The following FMNL2 variants were observed in gnomAD, a reference collection of about 807,000 sequenced individuals.
FMNL2 encodes the protein formin-like protein 2.
Under a neutral mutation model 130.2 loss-of-function variants are expected in FMNL2, and 51 were observed. That is an observed-to-expected ratio of 0.39 (90% CI 0.31 to 0.49). FMNL2 has a LOEUF of 0.49. Ranked by LOEUF, FMNL2 falls within the 20% of genes least tolerant of loss-of-function variation. FMNL2 has a pLI of 0.85. For missense variants in FMNL2, 977 were observed against 1,316.2 expected, an observed-to-expected ratio of 0.74 and a Z score of 3.99; for synonymous variants, 465 against 467.1, an observed-to-expected ratio of 1.00 and a Z score of 0.06.
intron 11 of FMNL2, 137 bp downstream of exon 11, chr2:152,611,742 A>G: frequency 1.7e-6 from 1 of 583,146 alleles, no homozygotes; most frequent in Non-Finnish European, 3.1e-6. Context: ...GTTAAAGGGA[A>G]CTGAGCTGAG....
At chr2:152,593,444 G>A (rs1283386049) in intron 9 of FMNL2, among the ~76,000 whole-genome samples, 1 of 152,096 alleles carries the variant, frequency 6.6e-6, no homozygotes, top group African/African-American at 2.4e-5. Context: ...GTGTAGCTCT[G>A]CAGAAAATAC....
intron 1 of FMNL2, among the ~76,000 whole-genome samples, chr2:152,448,218 C>T (rs1688453935): frequency 6.7e-6 from 1 of 150,182 alleles, no homozygotes; most frequent in Non-Finnish European, 1.5e-5. Flanking sequence ...AAAAAAAAAA[C>T]ACATAATAAC....
intron 21 of FMNL2, 70 bp downstream of exon 21, chr2:152,632,207 T>C (rs1159618199): frequency 2.5e-5 from 39 of 1,549,862 alleles, no homozygotes; most frequent in Non-Finnish European, 2.8e-5. Flanking sequence ...AGCCATTCCC[T>C]GCTTAAACAC....
Position 152,649,015 on chromosome 2 carries a change from T to C in FMNL2, c.*1110T>C, listed in dbSNP as rs965346559. 2 of 152,612 alleles carry C rather than the reference T, an allele frequency of 1.3e-5. No individual in the cohort carries two copies. The highest frequency in any genetic ancestry group is 4.8e-5 in the African/African-American group (2 of 41,444). The allele number at this position is 152,612 out of a possible 1,614,324, so 9.5% of individuals were successfully genotyped here. A position where few individuals can be genotyped will look rare whatever the true frequency, so the allele number is the denominator to read the frequency against. ...CTCTCTGGCAGGGCACTTGATCCAT[T>C]CCAAAGTCAAAAACTGGACTGAAGC... On this transcript the variant is annotated 3_prime_UTR_variant, in exon 26 of 26. Transcript: ENST00000288670.
At chr2:152,457,366 C>T (rs1175931743) in intron 1 of FMNL2, among the ~76,000 whole-genome samples, 1 of 152,184 alleles carries the variant, frequency 6.6e-6, no homozygotes, top group Non-Finnish European at 1.5e-5. Flanking sequence ...TGGATTTGCT[C>T]TAAGACTTCC....
rs760211766 is a variant in FMNL2, at chr2:152,637,534, C to G, written c.2845-39C>G. 147 of 1,540,374 alleles carry G rather than the reference C, an allele frequency of 9.5e-5. 1 individual carries two copies. The East Asian group carries it at 3.2e-3, about 33-fold the overall frequency. ...CCCCTAGAGCATCCAGTTCAAATGCCTAACTAATGAAACTCAAGAAAAATT... is the reference window on the plus strand; with the variant it reads ...CCCCTAGAGCATCCAGTTCAAATGCGTAACTAATGAAACTCAAGAAAAATT... On this transcript the variant is annotated intron_variant, in intron 22 of 25. Transcript: ENST00000288670.
chr2:152,555,807 A>G (rs1695173947), intron 4 of FMNL2, among the ~76,000 whole-genome samples: 1 of 152,178 alleles, frequency 6.6e-6, no homozygotes, highest in South Asian at 2.1e-4. Context: ...ACCTATAATC[A>G]CCCAATTTGA....
intron 1 of FMNL2, among the ~76,000 whole-genome samples, chr2:152,426,699 A>G (rs1014155888): frequency 1.3e-5 from 2 of 151,968 alleles, no homozygotes; most frequent in Non-Finnish European, 2.9e-5. Flanking sequence ...TTTTTTGAGA[A>G]ACACAGAAGC....
intron 1 of FMNL2, among the ~76,000 whole-genome samples, chr2:152,411,699 G>A (rs918528867): frequency 6.6e-6 from 1 of 152,102 alleles, no homozygotes; most frequent in African/African-American, 2.4e-5. Context: ...CTCTAGCACC[G>A]CTTCCATTTC....
intron 1 of FMNL2, among the ~76,000 whole-genome samples, chr2:152,357,312 A>G (rs1032096785): frequency 6.9e-5 from 7 of 100,816 alleles, no homozygotes; most frequent in African/African-American, 2.0e-4. Context: ...AATCAGTTTA[A>G]TGTATCACGA....
chr2:152,602,883 C>G (rs563268250), intron 9 of FMNL2, among the ~76,000 whole-genome samples: 138 of 152,262 alleles, frequency 9.1e-4, no homozygotes, highest in Non-Finnish European at 1.6e-3. Context: ...AAGAGGCCAC[C>G]GCAAAGGAGA....
At chr2:152,339,875 A>G (rs78528713) in intron 1 of FMNL2, among the ~76,000 whole-genome samples, 3,315 of 152,230 alleles carry the variant, frequency 0.022, 69 homozygotes, top group Non-Finnish European at 0.029. Context: ...GCAATACTAT[A>G]GATGCATAAG....
At chr2:152,546,938 C>G (rs971305733) in intron 3 of FMNL2, among the ~76,000 whole-genome samples, 1 of 149,346 alleles carries the variant, frequency 6.7e-6, no homozygotes, top group Non-Finnish European at 1.5e-5. Context: ...GCATTACTTG[C>G]CCCCATTCTT....
intron 1 of FMNL2, among the ~76,000 whole-genome samples, chr2:152,416,510 G>C (rs1686624955): frequency 6.6e-6 from 1 of 152,222 alleles, no homozygotes; most frequent in Admixed American, 6.5e-5. Context: ...GGTTGGCAAA[G>C]CTTCCATAAC....
intron 1 of FMNL2, chr2:152,390,033 G>A: frequency 6.3e-7 from 1 of 1,579,512 alleles, no homozygotes; most frequent in Non-Finnish European, 8.7e-7. Context: ...AGAGAATCAT[G>A]AGGCCCAGCT....
Position 152,371,250 on chromosome 2 carries a change from A to G in FMNL2, c.117+35530A>G, listed in dbSNP as rs573574944. Among the ~76,000 whole-genome samples the G allele has an allele frequency of 2.2e-4, 34 of 152,324 alleles. 1 individual carries two copies. Among genetic ancestry groups the G allele is most frequent in the Non-Finnish European group, 3.5e-4 (24 of 68,030 alleles). On this transcript the variant is annotated intron_variant, in intron 1 of 25. Coordinates refer to ENST00000288670, the MANE Select transcript of FMNL2 (RefSeq NM_052905.4). Reference sequence around the variant, plus strand: ...GGACTGGACAAGGGCATTAATATCAATTGGCTAGGATCATTGGAGGCTGGT... The same window carrying G: ...GGACTGGACAAGGGCATTAATATCAGTTGGCTAGGATCATTGGAGGCTGGT...
At chr2:152,426,664 G>A (rs1351817189) in intron 1 of FMNL2, among the ~76,000 whole-genome samples, 2 of 151,464 alleles carry the variant, frequency 1.3e-5, no homozygotes, top group Non-Finnish European at 2.9e-5. Flanking sequence ...TGATTCTGAT[G>A]GGCAGCTGAT....
chr2:152,391,636 C>A, intron 1 of FMNL2, among the ~76,000 whole-genome samples: 1 of 151,736 alleles, frequency 6.6e-6, no homozygotes, highest in Non-Finnish European at 1.5e-5. Flanking sequence ...AGTTTTTGTT[C>A]TGAATGAGAC....
intron 6 of FMNL2, among the ~76,000 whole-genome samples, chr2:152,562,169 G>T (rs1157057615): frequency 6.6e-6 from 1 of 152,096 alleles, no homozygotes; most frequent in Non-Finnish European, 1.5e-5. Flanking sequence ...CGGTTTCTGT[G>T]GTTCATGATT....
Sources: gnomAD v4.1 joint callset for allele counts (sites outside exome capture counted in the v4.1 genomes callset) on GRCh38, gnomAD v4.1.1 for gene constraint, MANE v1.5 for transcripts, NCBI Gene and HGNC (gene_info 2026-07-23, HGNC 2026-07-21) for gene names.